The following ARHGAP32 variants were observed in gnomAD, a reference collection of about 807,000 sequenced individuals.
ARHGAP32 encodes the protein Rho GTPase activating protein 32.
ARHGAP32 carries 51 observed loss-of-function variants against 186.5 expected under a neutral mutation model. The observed-to-expected ratio is 0.27, with a 90% CI of 0.22 to 0.35. The LOEUF (loss-of-function observed/expected upper bound fraction) is 0.35. Among genes scored for constraint, ARHGAP32 ranks in the 10% least tolerant of loss-of-function variants. The pLI is 1.00. For synonymous variants in ARHGAP32, 950 were observed against 964.3 expected (o/e 0.99, Z 0.27); for missense variants, 2,186 against 2,623.5 (o/e 0.83, Z 3.64).
chr11:128,989,928 T>A (rs967225955), intron 12 of ARHGAP32, among the ~76,000 whole-genome samples: 3 of 152,160 alleles, frequency 2.0e-5, no homozygotes, highest in Admixed American at 2.0e-4. Flanking sequence ...CCATGGTATA[T>A]ATGTGCCACA....
chr11:129,021,767 C>T (rs1050883957), intron 11 of ARHGAP32, among the ~76,000 whole-genome samples: 1 of 151,950 alleles, frequency 6.6e-6, no homozygotes, highest in Admixed American at 6.6e-5. Context: ...TTCTGTTTCT[C>T]GACTTGGTAC....
intron 14 of ARHGAP32, 151 bp from the exon 15 acceptor site, chr11:128,986,236 T>C (rs1382640267): frequency 1.4e-6 from 1 of 706,690 alleles, no homozygotes; most frequent in African/African-American, 1.8e-5. Flanking sequence ...GGAAGTAAAC[T>C]GTTTCCACAC....
chr11:129,244,171 G>C (rs1474127246), intron 1 of ARHGAP32, among the ~76,000 whole-genome samples: 2 of 152,082 alleles, frequency 1.3e-5, no homozygotes, highest in African/African-American at 4.8e-5. Context: ...AACTCCATGA[G>C]GATGGTACTA....
Position 129,078,603 on chromosome 11 carries a change from T to C in ARHGAP32, c.532-11735A>G, listed in dbSNP as rs564363045. Among the ~76,000 whole-genome samples the C allele has an allele frequency of 1.8e-4, 27 of 152,218 alleles. No individual in the cohort carries two copies. In the South Asian group the frequency reaches 5.2e-3, roughly 29 times the overall value. On this transcript the variant is annotated intron_variant, in intron 6 of 22. Transcript: ENST00000682385. The stretch of plus-strand genomic sequence containing the variant: ...CGCCTCCTGGGTCCAAGTGATTCTC[T>C]CACCTCAGCCTCCCGAGTAGCTGGG...
At chr11:129,181,877 C>G (rs1944061494) in intron 1 of ARHGAP32, among the ~76,000 whole-genome samples, 1 of 152,182 alleles carries the variant, frequency 6.6e-6, no homozygotes, top group Non-Finnish European at 1.5e-5. Flanking sequence ...ATTAAATTCT[C>G]TACCTGCCAA....
intron 1 of ARHGAP32, among the ~76,000 whole-genome samples, chr11:129,229,487 A>G (rs781127228): frequency 6.6e-6 from 1 of 152,156 alleles, no homozygotes; most frequent in Admixed American, 6.5e-5. Flanking sequence ...AAATGCTACC[A>G]ATTATCAAAG....
At chr11:129,023,491 C>G (rs967787590) in intron 11 of ARHGAP32, among the ~76,000 whole-genome samples, 1 of 152,022 alleles carries the variant, frequency 6.6e-6, no homozygotes, top group Non-Finnish European at 1.5e-5. Flanking sequence ...ATGATATAAG[C>G]TGGCTGCTTA....
intron 1 of ARHGAP32, among the ~76,000 whole-genome samples, chr11:129,197,369 G>A (rs1944405890): frequency 6.6e-6 from 1 of 152,148 alleles, no homozygotes; most frequent in African/African-American, 2.4e-5. Context: ...CAAAGCAGTA[G>A]AACCAAGATC....
chr11:129,119,022 T>G (rs1272866003), intron 5 of ARHGAP32, among the ~76,000 whole-genome samples: 1 of 152,058 alleles, frequency 6.6e-6, no homozygotes, highest in African/African-American at 2.4e-5. Flanking sequence ...TCAAGCTCCA[T>G]GGAAGTAGAC....
intron 12 of ARHGAP32, among the ~76,000 whole-genome samples, chr11:128,991,255 AT>A (rs1254991550): frequency 6.6e-6 from 1 of 152,168 alleles, no homozygotes; most frequent in African/African-American, 2.4e-5. Flanking sequence ...GTTTTCTTAT[AT>A]TTTGTGTTCC....
At position 129,062,277 on chromosome 11, in the gene ARHGAP32, T is replaced by C. The variant is rs1433481845; in HGVS notation, c.963+3A>G. 1.2e-6 allele frequency: 2 copies of C among 1,613,136 alleles called. No homozygotes were observed. The highest frequency in any genetic ancestry group is 1.7e-5 in the Admixed American group (1 of 59,972). On this transcript the variant is annotated splice_donor_region_variant and intron_variant, in intron 10 of 22. Coordinates refer to ENST00000682385, the MANE Select transcript of ARHGAP32 (RefSeq NM_001378024.1). ...TTCCCACACCTAATTTGCTGCTGCC[T>C]ACCTGGAATCCGTGCTTGCCTCTCC...
chr11:129,266,235 C>T (rs1945398830), intron 1 of ARHGAP32, among the ~76,000 whole-genome samples: 1 of 152,106 alleles, frequency 6.6e-6, no homozygotes, highest in African/African-American at 2.4e-5. Context: ...GAAAATGTCA[C>T]TAGATAAGTG....
chr11:129,033,846 C>G (rs1187153937), intron 11 of ARHGAP32, among the ~76,000 whole-genome samples: 1 of 152,120 alleles, frequency 6.6e-6, no homozygotes, highest in Non-Finnish European at 1.5e-5. Context: ...TCTTTTGAAA[C>G]TGCCCTCCAA....
At chr11:129,225,390 C>T (rs756186593) in intron 1 of ARHGAP32, among the ~76,000 whole-genome samples, 3 of 152,008 alleles carry the variant, frequency 2.0e-5, no homozygotes, top group Non-Finnish European at 4.4e-5. Context: ...GATGGCTAAG[C>T]AAAGTTATCA....
chr11:129,109,810 T>C (rs959163213), intron 5 of ARHGAP32, among the ~76,000 whole-genome samples: 1 of 152,100 alleles, frequency 6.6e-6, no homozygotes, highest in Non-Finnish European at 1.5e-5. Context: ...TTTGTTTTTG[T>C]TTTTGCTGTT....
At chr11:129,128,726 G>A (rs1942721405) in intron 2 of ARHGAP32, among the ~76,000 whole-genome samples, 1 of 152,120 alleles carries the variant, frequency 6.6e-6, no homozygotes, top group Non-Finnish European at 1.5e-5. Flanking sequence ...TGGGATTGCA[G>A]GCCCGCACCG....
intron 1 of ARHGAP32, among the ~76,000 whole-genome samples, chr11:129,234,515 C>T (rs957731900): frequency 2.6e-5 from 4 of 152,046 alleles, no homozygotes; most frequent in African/African-American, 9.7e-5. Context: ...TTGTACTTTT[C>T]TGTGTATGTT....
intron 12 of ARHGAP32, among the ~76,000 whole-genome samples, chr11:128,994,211 A>G (rs12274821): frequency 0.02 from 3,044 of 151,788 alleles, 46 homozygotes; most frequent in African/African-American, 0.043. Flanking sequence ...CTGGAGTGCA[A>G]TAGCATGATC....
intron 1 of ARHGAP32, among the ~76,000 whole-genome samples, chr11:129,259,364 C>T (rs559682281): frequency 6.6e-6 from 1 of 152,060 alleles, no homozygotes; most frequent in South Asian, 2.1e-4. Context: ...AAAAGAGATA[C>T]TGTTATTTAT....
Sources: allele counts gnomAD v4.1 joint callset (sites outside exome capture counted in the v4.1 genomes callset), GRCh38; gene constraint gnomAD v4.1.1; transcripts MANE v1.5; gene names NCBI Gene and HGNC (gene_info 2026-07-23, HGNC 2026-07-21).